The following MCTP1 variants were observed in gnomAD, a reference collection of about 807,000 sequenced individuals.
MCTP1 encodes multiple C2 and transmembrane domain containing 1, also known as multiple C2 and transmembrane domain-containing protein 1.
MCTP1 carries 69 observed loss-of-function variants against 120.6 expected under a neutral mutation model. The ratio of observed to expected loss-of-function variants is 0.57; its 90% CI spans 0.47 to 0.70. MCTP1 has a LOEUF of 0.70. Among genes scored for constraint, MCTP1 ranks in the 30% least tolerant of loss-of-function variants. The pLI, the probability that MCTP1 is intolerant of heterozygous loss-of-function variation, is 0.00. For synonymous variants in MCTP1, 529 were observed against 493.1 expected, an observed-to-expected ratio of 1.07 and a Z score of -0.96; for missense variants, 1,203 against 1,248.8, an observed-to-expected ratio of 0.96 and a Z score of 0.55.
intron 1 of MCTP1, among the ~76,000 whole-genome samples, chr5:95,169,789 C>T (rs1361440795): frequency 6.6e-6 from 1 of 152,108 alleles, no homozygotes; most frequent in African/African-American, 2.4e-5. Context: ...TCTGTCTTCT[C>T]TTCTTTATCA....
intron 1 of MCTP1, among the ~76,000 whole-genome samples, chr5:95,151,344 G>T (rs1399429845): frequency 6.6e-6 from 1 of 151,962 alleles, no homozygotes; most frequent in African/African-American, 2.4e-5. Flanking sequence ...TTAAGTAGAA[G>T]TGGATCATCC....
intron 17 of MCTP1, among the ~76,000 whole-genome samples, chr5:94,835,855 T>G (rs1580945552): frequency 1.3e-5 from 2 of 151,942 alleles, no homozygotes; most frequent in Admixed American, 6.5e-5. Flanking sequence ...ATACAAAAAA[T>G]TAGCCGGGTG....
chr5:95,050,941 T>C (rs1293355833), intron 1 of MCTP1, among the ~76,000 whole-genome samples: 1 of 152,146 alleles, frequency 6.6e-6, no homozygotes, highest in African/African-American at 2.4e-5. Flanking sequence ...GAGTACCACG[T>C]GTAGGTTGGA....
chr5:94,832,695 G>T (rs2161243), intron 17 of MCTP1, among the ~76,000 whole-genome samples: 1 of 151,764 alleles, frequency 6.6e-6, no homozygotes, highest in Admixed American at 6.6e-5. Context: ...GTCTGGTTGT[G>T]AGCACTACCT....
At position 94,830,862 on chromosome 5, in the gene MCTP1, G is replaced by C. The variant is rs115558668; in HGVS notation, c.2437-31730C>G. Among the ~76,000 whole-genome samples, 955 of 152,252 alleles carry C rather than the reference G, an allele frequency of 6.3e-3. 10 individuals are homozygous for C. The highest frequency in any genetic ancestry group is 0.022 in the African/African-American group (907 of 41,542). The stretch of plus-strand genomic sequence containing the variant: ...AAATATAGAATGGTGAATAAACACT[G>C]CATATAGTCTCAGGTTTAGCTCCAA... On this transcript the variant is annotated intron_variant, in intron 17 of 22. Transcript: ENST00000515393.
At chr5:95,099,146 T>G (rs1173576990) in intron 1 of MCTP1, among the ~76,000 whole-genome samples, 1 of 152,088 alleles carries the variant, frequency 6.6e-6, no homozygotes, top group East Asian at 1.9e-4. Context: ...GACTTAAACG[T>G]TAGACCTAAA....
At chr5:94,995,433 CG>C (rs923279765) in intron 2 of MCTP1, among the ~76,000 whole-genome samples, 3 of 151,988 alleles carry the variant, frequency 2.0e-5, no homozygotes, top group African/African-American at 7.3e-5. Flanking sequence ...ATAAGAACAT[CG>C]TGTTAAATGA....
intron 1 of MCTP1, among the ~76,000 whole-genome samples, chr5:95,177,258 A>G (rs1748107252): frequency 6.6e-6 from 1 of 152,134 alleles, no homozygotes; most frequent in Admixed American, 6.5e-5. Flanking sequence ...TAATGAGTCC[A>G]AAATCTGATG....
intron 2 of MCTP1, among the ~76,000 whole-genome samples, chr5:94,954,570 C>G (rs1340149578): frequency 1.3e-5 from 2 of 152,136 alleles, no homozygotes; most frequent in African/African-American, 4.8e-5. Flanking sequence ...AAACCACACT[C>G]TATTGCATGT....
At chr5:95,145,980 T>C (rs1244707709) in intron 1 of MCTP1, among the ~76,000 whole-genome samples, 1 of 152,178 alleles carries the variant, frequency 6.6e-6, no homozygotes, top group African/African-American at 2.4e-5. Context: ...TTCTTCTTTG[T>C]ATGTCTGGTA....
At chr5:94,955,823 G>T (rs578202071) in intron 2 of MCTP1, among the ~76,000 whole-genome samples, 1 of 152,310 alleles carries the variant, frequency 6.6e-6, no homozygotes, top group East Asian at 1.9e-4. Flanking sequence ...GGGGGAAGGG[G>T]TAGCTGTGGG....
At chr5:95,233,836 A>G (rs1414357899) in intron 1 of MCTP1, among the ~76,000 whole-genome samples, 1 of 152,158 alleles carries the variant, frequency 6.6e-6, no homozygotes, top group Non-Finnish European at 1.5e-5. Flanking sequence ...TGTAAATTTA[A>G]AAAAGAAGAG....
chr5:94,774,207 CAAAAAAAAAAAAAAAAAAAAAAAA>C lies in MCTP1; in HGVS notation c.2610+4879_2610+4902del, dbSNP rs70978130. Among the ~76,000 whole-genome samples the C allele has an allele frequency of 1.7e-3, 7 of 4,182 alleles. 1 individual carries two copies. Among genetic ancestry groups the C allele is most frequent in the Non-Finnish European group, 2.4e-3 (7 of 2,956 alleles). The allele number at this position is 4,182 out of a possible 152,430, so 2.7% of individuals were successfully genotyped here. ...TGGGCGACAGAGCAAGACTCCGTCT[CAAAAAAAAAAAAAAAAAAAAAAAA>C]AAAAAAAAAAAAAAAAAAGAAATAG... On this transcript the variant is annotated intron_variant, in intron 19 of 22. Transcript: ENST00000515393.
At chr5:95,025,513 AAC>A (rs1421359663) in intron 1 of MCTP1, among the ~76,000 whole-genome samples, 1 of 152,244 alleles carries the variant, frequency 6.6e-6, no homozygotes, top group African/African-American at 2.4e-5. Context: ...TGCAGATTAT[AAC>A]ACAGGATAAA....
chr5:94,934,631 C>T (rs144857590), intron 5 of MCTP1, among the ~76,000 whole-genome samples: 1,787 of 151,688 alleles, frequency 0.012, 10 homozygotes, highest in Non-Finnish European at 0.017. Flanking sequence ...TAGTAACATA[C>T]ATCTTGTAAA....
chr5:95,027,268 A>G (rs1428421630), intron 1 of MCTP1, among the ~76,000 whole-genome samples: 2 of 152,214 alleles, frequency 1.3e-5, no homozygotes, highest in Admixed American at 6.5e-5. Flanking sequence ...AGAAAAGCTT[A>G]TGCTTGGTTC....
intron 2 of MCTP1, among the ~76,000 whole-genome samples, chr5:94,963,915 T>C (rs957423910): frequency 1.3e-5 from 2 of 152,352 alleles, no homozygotes; most frequent in East Asian, 1.9e-4. Context: ...GCATTTTCTC[T>C]ATCTTTCCTT....
At chr5:94,949,421 C>G (rs1340344418) in intron 3 of MCTP1, among the ~76,000 whole-genome samples, 1 of 152,034 alleles carries the variant, frequency 6.6e-6, no homozygotes, top group Non-Finnish European at 1.5e-5. Context: ...GATTTTATAG[C>G]TAATTCTCCA....
chr5:94,761,290 A>G (rs1443473028), intron 19 of MCTP1, among the ~76,000 whole-genome samples: 1 of 152,216 alleles, frequency 6.6e-6, no homozygotes, highest in Non-Finnish European at 1.5e-5. Context: ...AATTTCCTAC[A>G]GGATTCTTTG....
Sources: allele counts gnomAD v4.1 joint callset (sites outside exome capture counted in the v4.1 genomes callset), GRCh38; gene constraint gnomAD v4.1.1; transcripts MANE v1.5; gene names NCBI Gene and HGNC (gene_info 2026-07-23, HGNC 2026-07-21).